The following CEMIP2 variants were observed in gnomAD, a reference collection of about 807,000 sequenced individuals.
CEMIP2 encodes the protein cell migration inducing hyaluronidase 2.
Under a neutral mutation model 146.9 loss-of-function variants are expected in CEMIP2, and 79 were observed. That is an observed-to-expected ratio of 0.54 (90% CI 0.45 to 0.65). CEMIP2 has a LOEUF of 0.65. Ranked by LOEUF, CEMIP2 falls within the 30% of genes least tolerant of loss-of-function variation. The pLI is 0.00. For missense variants in CEMIP2, 1,596 were observed against 1,696.2 expected, an observed-to-expected ratio of 0.94 and a Z score of 1.04; for synonymous variants, 601 against 606.3, an observed-to-expected ratio of 0.99 and a Z score of 0.13.
intron 10 of CEMIP2, among the ~76,000 whole-genome samples, chr9:71,728,280 T>TATAC (rs1491467360): frequency 0.018 from 226 of 12,642 alleles, 45 homozygotes; most frequent in Middle Eastern, 0.14. Context: ...TATATATATA[T>TATAC]GTATATATAT....
intron 3 of CEMIP2, 114 bp from the exon 4 acceptor site, chr9:71,745,693 T>G: frequency 9.6e-7 from 1 of 1,040,176 alleles, no homozygotes; most frequent in Non-Finnish European, 1.4e-6. Flanking sequence ...AAAAAAGAAT[T>G]CGCTAAGAAT....
intron 18 of CEMIP2, among the ~76,000 whole-genome samples, chr9:71,701,078 C>T (rs1051866988): frequency 1.3e-5 from 2 of 152,056 alleles, no homozygotes; most frequent in African/African-American, 4.8e-5. Context: ...AAAATATGAG[C>T]CTTTACAATT....
intron 10 of CEMIP2, among the ~76,000 whole-genome samples, chr9:71,728,225 C>A (rs373515034): frequency 0.15 from 3,013 of 19,776 alleles, 760 homozygotes; most frequent in East Asian, 0.28. Context: ...CTCTCTCTCT[C>A]TCTCTCTATA....
chr9:71,730,985 G>C (rs546353511), intron 7 of CEMIP2, 71 bp from the exon 8 acceptor site: 5 of 1,244,986 alleles, frequency 4.0e-6, no homozygotes, highest in Admixed American at 3.6e-5. Context: ...TATTGTTCTA[G>C]TAGAAAACAT....
chr9:71,690,414 C>T (rs557824173), intron 21 of CEMIP2, among the ~76,000 whole-genome samples, 168 bp from the exon 22 acceptor site: 152 of 152,306 alleles, frequency 1.0e-3, no homozygotes, highest in African/African-American at 3.4e-3. Flanking sequence ...TCTGAAATTG[C>T]GTCTGTGTTC....
At position 71,745,185 on chromosome 9, in the gene CEMIP2, T is replaced by C; in HGVS notation, c.867A>G (p.Glu289=). 2 of 1,614,132 alleles carry C rather than the reference T, an allele frequency of 1.2e-6. No homozygotes were observed. Among genetic ancestry groups the C allele is most frequent in the East Asian group, 2.2e-5 (1 of 44,878 alleles). The part of the protein sequence containing the change: ...ILESERFDTH[E]YRNESRRLQE... ...GAAGCCGCCTGCTCTCATTGCGGTA[T>C]TCATGGGTATCAAATCTCTCACTTT... Residue 289 remains glutamate (E), a synonymous_variant, in exon 4 of 24, where the codon GAA becomes GAG. Coordinates refer to ENST00000377044, the MANE Select transcript of CEMIP2 (RefSeq NM_013390.3).
chr9:71,724,385 A>G (rs1317133010), intron 11 of CEMIP2, among the ~76,000 whole-genome samples: 1 of 152,216 alleles, frequency 6.6e-6, no homozygotes, highest in Non-Finnish European at 1.5e-5. Context: ...ATGAAATGCT[A>G]TTTTCAATAA....
At chr9:71,731,066 A>G (rs780509611) in intron 7 of CEMIP2, 152 bp from the exon 8 acceptor site, 2 of 663,820 alleles carry the variant, frequency 3.0e-6, no homozygotes, top group Admixed American at 2.9e-5. Flanking sequence ...CCAGTTAATA[A>G]TTTAGGAAAT....
chr9:71,692,335 CAT>C (rs1822255575), intron 21 of CEMIP2, among the ~76,000 whole-genome samples: 1 of 123,810 alleles, frequency 8.1e-6, no homozygotes. Flanking sequence ...ACGCTCTCCC[CAT>C]CTCTCTCTCT....
intron 2 of CEMIP2, among the ~76,000 whole-genome samples, chr9:71,749,776 C>T (rs1253157096): frequency 6.6e-6 from 1 of 152,052 alleles, no homozygotes; most frequent in Non-Finnish European, 1.5e-5. Context: ...TTAGTGAAGG[C>T]CCTCAAAGCA....
chr9:71,719,392 TAG>T (rs1368909276), intron 12 of CEMIP2, among the ~76,000 whole-genome samples: 1 of 152,192 alleles, frequency 6.6e-6, no homozygotes, highest in East Asian at 1.9e-4. Flanking sequence ...GGAGACAGAA[TAG>T]AGAGGAGGGC....
At chr9:71,732,071 T>TG (rs1255873124) in intron 7 of CEMIP2, among the ~76,000 whole-genome samples, 19 of 151,670 alleles carry the variant, frequency 1.3e-4, no homozygotes, top group Non-Finnish European at 2.1e-4. Flanking sequence ...TTTTTTTTTG[T>TG]TTTGTTTTGT....
At chr9:71,733,991 T>C (rs567195073) in intron 6 of CEMIP2, among the ~76,000 whole-genome samples, 2 of 152,114 alleles carry the variant, frequency 1.3e-5, no homozygotes, top group Admixed American at 6.5e-5. Context: ...TTACAAGCCT[T>C]GTGCCACCAT....
intron 1 of CEMIP2, among the ~76,000 whole-genome samples, chr9:71,767,351 T>G (rs549055798): frequency 1.3e-5 from 2 of 152,304 alleles, no homozygotes; most frequent in Admixed American, 6.5e-5. Flanking sequence ...TACATGCAAC[T>G]GTGCAGCAGC....
intron 2 of CEMIP2, among the ~76,000 whole-genome samples, chr9:71,747,391 A>C (rs1824121311): frequency 6.6e-6 from 1 of 152,218 alleles, no homozygotes; most frequent in Non-Finnish European, 1.5e-5. Context: ...ACCTCAGGCA[A>C]AGGAGGCATG....
intron 1 of CEMIP2, among the ~76,000 whole-genome samples, chr9:71,767,511 A>C (rs1031914755): frequency 6.6e-6 from 1 of 152,172 alleles, no homozygotes; most frequent in South Asian, 2.1e-4. Flanking sequence ...TGTTTTCCTA[A>C]CCTGCGGAGA....
Position 71,717,903 on chromosome 9 carries a change from A to C in CEMIP2, c.2399+45T>G, listed in dbSNP as rs202199795. On this transcript the variant is annotated intron_variant, in intron 13 of 23. Transcript: ENST00000377044. ...TGGCTTTAAAAAAAATCTGAAAAAT[A>C]ATACATCAGTGTCATCATATAATAA... 4,248 of 1,536,072 alleles carry C rather than the reference A, an allele frequency of 2.8e-3. 13 individuals are homozygous for C. The highest frequency in any genetic ancestry group is 4.3e-3 in the Middle Eastern group (19 of 4,424).
chr9:71,759,493 A>C (rs1824561565), intron 1 of CEMIP2, among the ~76,000 whole-genome samples: 1 of 152,154 alleles, frequency 6.6e-6, no homozygotes, highest in South Asian at 2.1e-4. Flanking sequence ...CAGAAGGAAA[A>C]CCCAACTTCC....
At chr9:71,738,654 A>G (rs1223778458) in intron 5 of CEMIP2, among the ~76,000 whole-genome samples, 2 of 151,934 alleles carry the variant, frequency 1.3e-5, no homozygotes. Context: ...CCTGGCCAAG[A>G]TGGTGAAACC....
Sources: allele counts gnomAD v4.1 joint callset (sites outside exome capture counted in the v4.1 genomes callset), GRCh38; gene constraint gnomAD v4.1.1; transcripts MANE v1.5; gene names NCBI Gene and HGNC (gene_info 2026-07-23, HGNC 2026-07-21).